PDGFRA: variants seen among roughly 807,000 people sequenced by gnomAD.
The protein encoded by PDGFRA is platelet-derived growth factor receptor alpha.
PDGFRA carries 25 observed loss-of-function variants against 121.5 expected under a neutral mutation model. That is an observed-to-expected ratio of 0.21 (90% CI 0.15 to 0.29). PDGFRA has a LOEUF of 0.29. Among genes scored for constraint, PDGFRA ranks in the 10% least tolerant of loss-of-function variants. The probability of loss-of-function intolerance (pLI) is 1.00; values close to 1 mark genes in which losing one functional copy is unlikely to be tolerated. For missense variants in PDGFRA, 1,008 were observed against 1,345.1 expected, an observed-to-expected ratio of 0.75 and a Z score of 3.92; for synonymous variants, 463 against 494.8, an observed-to-expected ratio of 0.94 and a Z score of 0.85.
intron 1 of PDGFRA, among the ~76,000 whole-genome samples, chr4:54,236,621 G>A (rs1303576607): frequency 6.6e-6 from 1 of 152,108 alleles, no homozygotes; most frequent in Non-Finnish European, 1.5e-5. Flanking sequence ...GACCAACATG[G>A]TGAAACCCTG....
intron 16 of PDGFRA, chr4:54,280,844 GA>G (rs1420528918): frequency 5.9e-6 from 1 of 169,004 alleles, no homozygotes; most frequent in East Asian, 1.7e-4. Flanking sequence ...TATGGTGATT[GA>G]TTTTTTTTAA....
intron 1 of PDGFRA, among the ~76,000 whole-genome samples, chr4:54,242,139 G>A (rs1450030331): frequency 6.6e-6 from 1 of 152,120 alleles, no homozygotes; most frequent in Admixed American, 6.5e-5. Context: ...CTTTCATGGT[G>A]GTGGCCTGGG....
intron 8 of PDGFRA, 78 bp downstream of exon 8, chr4:54,270,826 C>A: frequency 1.2e-6 from 1 of 827,966 alleles, no homozygotes; most frequent in East Asian, 2.5e-5. Flanking sequence ...CTTTTCTCCC[C>A]GGTCATGGAA....
intron 22 of PDGFRA, 89 bp downstream of exon 22, chr4:54,290,643 T>C: frequency 6.9e-7 from 1 of 1,445,718 alleles, no homozygotes; most frequent in Non-Finnish European, 9.7e-7. Context: ...AATGGTGCAC[T>C]CCCGGTTGGT....
rs745430555 is a variant in PDGFRA at position 54,267,465 on chromosome 4, A to G, written c.931+5A>G. The G allele has an allele frequency of 6.2e-7, 1 of 1,614,042 alleles. No individual in the cohort carries two copies. The highest frequency in any genetic ancestry group is 8.5e-7 in the Non-Finnish European group (1 of 1,180,006). ...AAGTCACTATTTCTGTCCATGGTAC[A>G]TTCCGCTTTCTAAAATGTCAGTTGT... On this transcript the variant is annotated splice_donor_5th_base_variant and intron_variant, in intron 6 of 22. Coordinates refer to ENST00000257290, the MANE Select transcript of PDGFRA (RefSeq NM_006206.6).
intron 1 of PDGFRA, 50 bp downstream of exon 1, chr4:54,229,465 C>T (rs931881160): frequency 5.1e-6 from 2 of 394,062 alleles, no homozygotes; most frequent in Non-Finnish European, 8.9e-6. Flanking sequence ...AGTCCCTGAT[C>T]AGACTCTGGG....
intron 3 of PDGFRA, among the ~76,000 whole-genome samples, chr4:54,262,248 A>G (rs1019803824): frequency 2.0e-5 from 3 of 151,384 alleles, no homozygotes; most frequent in African/African-American, 7.3e-5. Flanking sequence ...TTATTTTTGT[A>G]GAGATAGGGT....
chr4:54,244,616 GA>G (rs1281537054), intron 1 of PDGFRA, among the ~76,000 whole-genome samples: 2 of 152,116 alleles, frequency 1.3e-5, no homozygotes, highest in Admixed American at 6.5e-5. Flanking sequence ...CAAAGATGGG[GA>G]AAAAACAGAG....
chr4:54,249,126 G>A (rs541199463), intron 1 of PDGFRA, among the ~76,000 whole-genome samples: 9 of 152,170 alleles, frequency 5.9e-5, no homozygotes, highest in South Asian at 2.1e-4. Context: ...TGGTGTAAAA[G>A]TGTTGGTGGG....
At chr4:54,260,673 G>T (rs1034189595) in intron 2 of PDGFRA, among the ~76,000 whole-genome samples, 2 of 152,018 alleles carry the variant, frequency 1.3e-5, no homozygotes, top group African/African-American at 2.4e-5. Flanking sequence ...CTCACAAAGT[G>T]CTGGGATTAT....
chr4:54,278,967 T>C, intron 15 of PDGFRA: 1 of 407,092 alleles, frequency 2.5e-6, no homozygotes, highest in Admixed American at 2.9e-5. Flanking sequence ...TAAAGAACTC[T>C]GTAGGTAAGA....
intron 16 of PDGFRA, among the ~76,000 whole-genome samples, chr4:54,281,109 G>A (rs528560075): frequency 2.0e-5 from 3 of 152,168 alleles, no homozygotes; most frequent in Admixed American, 2.0e-4. Context: ...ATGTGGCAGG[G>A]TTAAATTGAT....
intron 16 of PDGFRA, among the ~76,000 whole-genome samples, chr4:54,283,646 A>C (rs1191575360): frequency 6.6e-6 from 1 of 152,210 alleles, no homozygotes; most frequent in Non-Finnish European, 1.5e-5. Context: ...TAGTTATGCA[A>C]ATTTCTCTAG....
At chr4:54,271,863 TCC>T (rs2110283893) in intron 8 of PDGFRA, among the ~76,000 whole-genome samples, 2 of 105,692 alleles carry the variant, frequency 1.9e-5, no homozygotes, top group African/African-American at 7.6e-5. Flanking sequence ...TCCCTTGTTC[TCC>T]CTTTTCCTTC....
chr4:54,282,135 A>G (rs1724111528), intron 16 of PDGFRA, among the ~76,000 whole-genome samples: 1 of 152,098 alleles, frequency 6.6e-6, no homozygotes, highest in African/African-American at 2.4e-5. Context: ...ATTATGTGTA[A>G]GATTGGTCCT....
At chr4:54,291,501 C>A (rs1724629196) in intron 22 of PDGFRA, among the ~76,000 whole-genome samples, 1 of 122,742 alleles carries the variant, frequency 8.1e-6, no homozygotes. Flanking sequence ...AGAAGACATA[C>A]CTGCAGCCAA....
chr4:54,280,553 G>C (rs1560485582), intron 16 of PDGFRA, 71 bp downstream of exon 16: 2 of 1,298,592 alleles, frequency 1.5e-6, no homozygotes, highest in South Asian at 2.4e-5. Context: ...AAAGTATTTA[G>C]AGGGAAGTGT....
At chr4:54,240,775 T>C (rs999853032) in intron 1 of PDGFRA, among the ~76,000 whole-genome samples, 3 of 152,192 alleles carry the variant, frequency 2.0e-5, no homozygotes, top group Non-Finnish European at 4.4e-5. Context: ...AAATTCAAAT[T>C]AGCAAACTAA....
At chr4:54,267,241 C>T in intron 5 of PDGFRA, 48 bp from the exon 6 acceptor site, 1 of 1,578,198 alleles carries the variant, frequency 6.3e-7, no homozygotes. Flanking sequence ...GAGTTCACTC[C>T]TAGGAGCGAG....
Sources: gnomAD v4.1 joint callset for allele counts (sites outside exome capture counted in the v4.1 genomes callset) on GRCh38, gnomAD v4.1.1 for gene constraint, MANE v1.5 for transcripts, NCBI Gene and HGNC (gene_info 2026-07-23, HGNC 2026-07-21) for gene names.